The following RRM1 variants were observed in gnomAD, a reference collection of about 807,000 sequenced individuals.
RRM1 encodes ribonucleotide reductase catalytic subunit M1.
In RRM1, 19 loss-of-function variants were observed where a neutral mutation model predicts 101.5. That is an observed-to-expected ratio of 0.19 (90% CI 0.13 to 0.27). RRM1 has a LOEUF of 0.27. RRM1 is among the 10% of genes least tolerant of loss of function. The pLI is 1.00. For synonymous variants in RRM1, 298 were observed against 323.4 expected, an observed-to-expected ratio of 0.92 and a Z score of 0.84; for missense variants, 500 against 962.9, an observed-to-expected ratio of 0.52 and a Z score of 6.36.
chr11:4,102,138 G>C (rs2133287108), intron 2 of RRM1, 57 bp downstream of exon 2: 1 of 900,406 alleles, frequency 1.1e-6, no homozygotes, highest in Non-Finnish European at 1.8e-6. Flanking sequence ...CTTTCCATTT[G>C]TCTCTTATCC....
At chr11:4,124,828 T>G (rs2094586946) in intron 12 of RRM1, among the ~76,000 whole-genome samples, 1 of 110,614 alleles carries the variant, frequency 9.0e-6, no homozygotes, top group Non-Finnish European at 2.2e-5. Context: ...CAATTCAGTG[T>G]TTTTTTTCTT....
intron 2 of RRM1, among the ~76,000 whole-genome samples, chr11:4,105,112 C>T (rs1429721765): frequency 1.3e-5 from 2 of 152,048 alleles, no homozygotes; most frequent in African/African-American, 4.8e-5. Context: ...TTTTTAATGA[C>T]ACTTTCATTT....
intron 1 of RRM1, among the ~76,000 whole-genome samples, chr11:4,099,678 G>C (rs1322378383): frequency 1.3e-5 from 2 of 152,080 alleles, no homozygotes; most frequent in Non-Finnish European, 1.5e-5. Flanking sequence ...ACTAAGAAAG[G>C]CTTTGCTTGA....
rs1476723900 is a variant in RRM1 at position 4,132,046 on chromosome 11, T to C, written c.1770-240T>C. Among the ~76,000 whole-genome samples, 1 of 152,222 alleles carries C rather than the reference T, an allele frequency of 6.6e-6. No individual in the cohort carries two copies. Among genetic ancestry groups the C allele is most frequent in the Non-Finnish European group, 1.5e-5 (1 of 68,038 alleles). Reference sequence around the variant, plus strand: ...TAAGGATAGCCAACAATAAAAATTGTACTAATTCAGTTTAGGAGTCAGGCA... The same window carrying C: ...TAAGGATAGCCAACAATAAAAATTGCACTAATTCAGTTTAGGAGTCAGGCA... On this transcript the variant is annotated intron_variant, in intron 15 of 18. Transcript: ENST00000300738. The surrounding 1 kb of genome is among the most constrained non-coding windows in gnomAD (Gnocchi z 4.1).
intron 7 of RRM1, among the ~76,000 whole-genome samples, chr11:4,115,204 G>C (rs911773962): frequency 6.6e-6 from 1 of 152,188 alleles, no homozygotes; most frequent in East Asian, 1.9e-4. Context: ...GCCCAAAAAT[G>C]TCAGGTCGAA....
At chr11:4,126,595 T>G (rs1372936662) in intron 12 of RRM1, 89 bp from the exon 13 acceptor site, 5 of 1,190,922 alleles carry the variant, frequency 4.2e-6, no homozygotes, top group South Asian at 3.3e-5. Context: ...TTTTAATGTC[T>G]GAGTATTAGA....
rs563100641 is a variant in RRM1, at chr11:4,100,566, G to T, written c.20-1427G>T. ...TGGAATTTTGGATTAAGGATACTCAGCCTATAGTTACAATGGATTGTAGGT... is the reference window on the plus strand; with the variant it reads ...TGGAATTTTGGATTAAGGATACTCATCCTATAGTTACAATGGATTGTAGGT... On this transcript the variant is annotated intron_variant, in intron 1 of 18. Transcript: ENST00000300738. Among the ~76,000 whole-genome samples the T allele has an allele frequency of 2.0e-5, 3 of 152,334 alleles. No homozygotes were observed. In the East Asian group the frequency reaches 5.8e-4, roughly 29 times the overall value.
intron 7 of RRM1, among the ~76,000 whole-genome samples, chr11:4,115,511 A>C (rs1179195479): frequency 6.6e-6 from 1 of 151,886 alleles, no homozygotes; most frequent in Non-Finnish European, 1.5e-5. Context: ...GCACTCCAAA[A>C]AAAAAAAAAA....
intron 5 of RRM1, among the ~76,000 whole-genome samples, chr11:4,110,449 A>T (rs1262946355): frequency 6.6e-6 from 1 of 151,972 alleles, no homozygotes; most frequent in African/African-American, 2.4e-5. Context: ...CACTGCGGCC[A>T]ATTTAGTTTA....
intron 2 of RRM1, 88 bp from the exon 3 acceptor site, chr11:4,105,958 C>G (rs1590714350): frequency 4.5e-6 from 5 of 1,103,850 alleles, no homozygotes; most frequent in Non-Finnish European, 6.8e-6. Flanking sequence ...ACTACCACAC[C>G]TGGCCATGAT....
At chr11:4,112,909 G>A (rs1481013910) in intron 7 of RRM1, among the ~76,000 whole-genome samples, 1 of 152,108 alleles carries the variant, frequency 6.6e-6, no homozygotes, top group East Asian at 1.9e-4. Flanking sequence ...CAAGGCTGCC[G>A]TGAGCCATGA....
intron 1 of RRM1, among the ~76,000 whole-genome samples, chr11:4,095,748 T>C (rs1471003631): frequency 6.6e-6 from 1 of 152,200 alleles, no homozygotes; most frequent in East Asian, 1.9e-4. Flanking sequence ...TTCTTTTTCA[T>C]TAGACTTGCC....
chr11:4,120,625 C>A (rs1021126242), intron 9 of RRM1, among the ~76,000 whole-genome samples: 2 of 152,198 alleles, frequency 1.3e-5, no homozygotes, highest in African/African-American at 4.8e-5. Context: ...CTTGGCCTCC[C>A]AAAGTGTTGG....
intron 4 of RRM1, among the ~76,000 whole-genome samples, chr11:4,108,415 G>C (rs1411807037): frequency 6.6e-6 from 1 of 151,812 alleles, no homozygotes; most frequent in Non-Finnish European, 1.5e-5. Flanking sequence ...TGGCTAACAC[G>C]GTGAAACCCC....
chr11:4,134,865 A>G (rs945618448), intron 17 of RRM1, among the ~76,000 whole-genome samples: 12 of 152,230 alleles, frequency 7.9e-5, no homozygotes, highest in African/African-American at 7.2e-5. Flanking sequence ...TGAAATTACT[A>G]TCACCAGATT....
chr11:4,118,554 C>T (rs1412314864), intron 8 of RRM1, 93 bp downstream of exon 8: 12 of 1,350,834 alleles, frequency 8.9e-6, no homozygotes, highest in Non-Finnish European at 1.1e-5. Context: ...TTTTGGGAGT[C>T]CTGGGTCTCT....
intron 2 of RRM1, 135 bp downstream of exon 2, chr11:4,102,216 A>C: frequency 1.7e-6 from 1 of 600,874 alleles, no homozygotes; most frequent in Non-Finnish European, 2.9e-6. Context: ...ATTTGAATTC[A>C]TTGCTTAAAA....
At chr11:4,123,722 G>A (rs1434238911) in intron 12 of RRM1, among the ~76,000 whole-genome samples, 3 of 152,136 alleles carry the variant, frequency 2.0e-5, no homozygotes, top group East Asian at 3.9e-4. Context: ...AACTATGTAA[G>A]CCTTGAGCCT....
Position 4,109,639 on chromosome 11 carries a change from A to G in RRM1, c.388-5A>G, listed in dbSNP as rs772751109. 3.7e-6 allele frequency: 6 copies of G among 1,605,058 alleles called. No homozygotes were observed. Among genetic ancestry groups the G allele is most frequent in the East Asian group, 2.2e-5 (1 of 44,670 alleles). On this transcript the variant is annotated splice_region_variant and splice_polypyrimidine_tract_variant and intron_variant, in intron 4 of 18. Transcript: ENST00000300738. Reference sequence around the variant, plus strand: ...TAATTATGGGTTCTTTTTCACCCCTATCAGCGCCTGAATTCTGCTATTATC... The same window carrying G: ...TAATTATGGGTTCTTTTTCACCCCTGTCAGCGCCTGAATTCTGCTATTATC...
Sources: allele counts gnomAD v4.1 joint callset (sites outside exome capture counted in the v4.1 genomes callset), GRCh38; gene constraint gnomAD v4.1.1; non-coding constraint Gnocchi (gnomAD v3.1); transcripts MANE v1.5; gene names NCBI Gene and HGNC (gene_info 2026-07-23, HGNC 2026-07-21).